Variants in SIPA1L1 observed in about 807,000 individuals in gnomAD.
SIPA1L1 encodes signal-induced proliferation-associated 1-like protein 1.
SIPA1L1 carries 26 observed loss-of-function variants against 162.7 expected under a neutral mutation model. The observed-to-expected ratio is 0.16, with a 90% CI of 0.12 to 0.22. The LOEUF (loss-of-function observed/expected upper bound fraction) is 0.22. Ranked by LOEUF, SIPA1L1 falls within the 10% of genes least tolerant of loss-of-function variation. SIPA1L1 has a pLI of 1.00. For synonymous variants in SIPA1L1, 829 were observed against 837.4 expected, an observed-to-expected ratio of 0.99 and a Z score of 0.17; for missense variants, 1,874 against 2,241.0, an observed-to-expected ratio of 0.84 and a Z score of 3.31.
intron 5 of SIPA1L1, among the ~76,000 whole-genome samples, chr14:71,593,445 T>A (rs575140101): frequency 1.3e-5 from 2 of 151,990 alleles, no homozygotes; most frequent in Non-Finnish European, 2.9e-5. Context: ...CTCCTGGCCT[T>A]AAGTGATCTG....
At chr14:71,690,972 C>T (rs1199200922) in intron 13 of SIPA1L1, among the ~76,000 whole-genome samples, 1 of 152,218 alleles carries the variant, frequency 6.6e-6, no homozygotes, top group Non-Finnish European at 1.5e-5. Flanking sequence ...TCTGCCTCTT[C>T]CGTCTCGTGT....
At chr14:71,418,395 C>G (rs2042952943) in intron 2 of SIPA1L1, among the ~76,000 whole-genome samples, 1 of 152,020 alleles carries the variant, frequency 6.6e-6, no homozygotes, top group Admixed American at 6.6e-5. Flanking sequence ...GAACAAAAGT[C>G]TAAAGGAAGG....
chr14:71,608,068 C>T (rs997304389), intron 5 of SIPA1L1, among the ~76,000 whole-genome samples: 2 of 152,186 alleles, frequency 1.3e-5, no homozygotes, highest in Non-Finnish European at 2.9e-5. Context: ...TTCCAGTCTT[C>T]TAATGGAGCT....
intron 4 of SIPA1L1, among the ~76,000 whole-genome samples, chr14:71,541,135 G>C (rs1024860710): frequency 3.3e-5 from 5 of 151,848 alleles, no homozygotes; most frequent in Middle Eastern, 3.4e-3. Context: ...AAAAGAAGAA[G>C]AACTTATTTA....
chr14:71,708,106 AG>A (rs1193848796), intron 16 of SIPA1L1, among the ~76,000 whole-genome samples: 3 of 147,126 alleles, frequency 2.0e-5, no homozygotes, highest in Non-Finnish European at 4.5e-5. Flanking sequence ...GAAGCACAAA[AG>A]TTTTAAATTT....
intron 12 of SIPA1L1, among the ~76,000 whole-genome samples, chr14:71,679,167 T>C: frequency 6.6e-6 from 1 of 152,084 alleles, no homozygotes; most frequent in African/African-American, 2.4e-5. Context: ...AAGGAAAAAG[T>C]GTTAAGGGCA....
intron 4 of SIPA1L1, among the ~76,000 whole-genome samples, chr14:71,584,367 G>A (rs2034324817): frequency 6.6e-6 from 1 of 152,192 alleles, no homozygotes; most frequent in Admixed American, 6.5e-5. Flanking sequence ...CTGACCTACT[G>A]TGGTACAATT....
At chr14:71,321,739 C>G (rs1047727920) in intron 2 of SIPA1L1, 1 of 152,284 alleles carries the variant, frequency 6.6e-6, no homozygotes, top group African/African-American at 2.4e-5. Context: ...GCAAAAAGAA[C>G]TTTTCCTCCT....
chr14:71,391,943 C>G (rs1045256315), intron 2 of SIPA1L1, among the ~76,000 whole-genome samples: 1 of 152,208 alleles, frequency 6.6e-6, no homozygotes, highest in African/African-American at 2.4e-5. Context: ...TACTGGTTCT[C>G]TTTCCATTCT....
rs1280304386 is a variant in SIPA1L1 at position 71,739,092 on chromosome 14, G to T, written c.5283G>T (p.Glu1761Asp). 1 of 1,614,140 alleles carries T rather than the reference G, an allele frequency of 6.2e-7. No homozygotes were observed. The highest frequency in any genetic ancestry group is 1.7e-5 in the Admixed American group (1 of 60,022). The change falls in exon 24 of 24, where the codon GAG becomes GAT. Residue 1761 changes from glutamate to aspartate, a missense_variant. This residue lies in a region of SIPA1L1 where 936 missense variants were observed against 1,051.9 expected (regional missense o/e 0.89). Transcript: ENST00000381232. The stretch of plus-strand genomic sequence containing the variant: ...AGGACAACCTGAGGCTACAGGAGGA[G>T]TCCCAGAACGCCTCGGACAAGCTGA... ...LREDNLRLQEESQNASDKLKK... is the reference protein window; with the variant it reads ...LREDNLRLQEDSQNASDKLKK...
intron 19 of SIPA1L1, among the ~76,000 whole-genome samples, chr14:71,725,264 C>T (rs1034233860): frequency 6.6e-6 from 1 of 152,302 alleles, no homozygotes; most frequent in Non-Finnish European, 1.5e-5. Context: ...TGCTCCTGAC[C>T]CTGTCTGGCA....
At chr14:71,479,219 C>T (rs1360106949) in intron 2 of SIPA1L1, among the ~76,000 whole-genome samples, 1 of 152,150 alleles carries the variant, frequency 6.6e-6, no homozygotes, top group Non-Finnish European at 1.5e-5. Context: ...CCTCAAATAG[C>T]TGCTTATAAT....
At chr14:71,640,365 GAAAAA>G (rs940185106) in intron 7 of SIPA1L1, among the ~76,000 whole-genome samples, 1 of 149,272 alleles carries the variant, frequency 6.7e-6, no homozygotes, top group Admixed American at 6.6e-5. Context: ...GATCTAGAAA[GAAAAA>G]AAAAATTTGA....
chr14:71,363,408 A>C (rs2037990289), intron 2 of SIPA1L1, among the ~76,000 whole-genome samples: 1 of 151,854 alleles, frequency 6.6e-6, no homozygotes, highest in Non-Finnish European at 1.5e-5. Context: ...TCCCATCCAG[A>C]AAACCACATT....
At chr14:71,522,047 C>G (rs2052409831) in intron 3 of SIPA1L1, among the ~76,000 whole-genome samples, 2 of 152,134 alleles carry the variant, frequency 1.3e-5, no homozygotes, top group Admixed American at 1.3e-4. Flanking sequence ...ATGGTAAAAT[C>G]TTGGTTTTGT....
rs1474463445 is a variant in SIPA1L1, at chr14:71,723,960, C to T, written c.4448+74C>T. On this transcript the variant is annotated intron_variant, in intron 18 of 23. Transcript: ENST00000381232. ...AGAGAATAGAAAAGCTTGGCGTGAT[C>T]TCTTACAACAAAAGAGGCCGGGCTA... is the stretch of plus-strand genomic sequence containing the variant. The T allele has an allele frequency of 5.7e-6, 9 of 1,573,888 alleles. No individual in the cohort carries two copies. The South Asian group carries it at 1.0e-4, about 18-fold the overall frequency.
At chr14:71,322,422 CTCTTCGTTTTTT>C (rs1003028861) in intron 2 of SIPA1L1, among the ~76,000 whole-genome samples, 10 of 152,120 alleles carry the variant, frequency 6.6e-5, no homozygotes, top group Admixed American at 3.3e-4. Context: ...TGTCATTTTT[CTCTTCGTTTTTT>C]GAAAGCTGCA....
At chr14:71,693,834 T>C (rs977706636) in intron 13 of SIPA1L1, among the ~76,000 whole-genome samples, 2 of 152,106 alleles carry the variant, frequency 1.3e-5, no homozygotes, top group African/African-American at 2.4e-5. Context: ...TGCTAAGTTG[T>C]GGTAAAATGC....
chr14:71,530,543 A>G (rs906659998), intron 4 of SIPA1L1, among the ~76,000 whole-genome samples: 2 of 152,180 alleles, frequency 1.3e-5, no homozygotes, highest in African/African-American at 4.8e-5. Context: ...TAGTAGGAAT[A>G]TTTCAAATAT....
Sources: gnomAD v4.1 joint callset for allele counts (sites outside exome capture counted in the v4.1 genomes callset) on GRCh38, gnomAD v4.1.1 for gene constraint, gnomAD v4.1.1 regional missense constraint, MANE v1.5 for transcripts, NCBI Gene and HGNC (gene_info 2026-07-23, HGNC 2026-07-21) for gene names.